RPS11: variants seen among roughly 807,000 people sequenced by gnomAD.
The protein encoded by RPS11 is small ribosomal subunit protein uS17.
For synonymous variants in RPS11, 107 were observed against 78.0 expected, an observed-to-expected ratio of 1.37 and a Z score of -1.96; for missense variants, 127 against 211.4, an observed-to-expected ratio of 0.60 and a Z score of 2.48.
Position 49,499,162 on chromosome 19 carries a change from G to A in RPS11, c.354-350G>A, listed in dbSNP as rs1032558749. 2.0e-5 allele frequency among the ~76,000 whole-genome samples: 3 copies of A among 152,168 alleles called. 1 individual carries two copies. Among genetic ancestry groups the A allele is most frequent in the African/African-American group, 4.8e-5 (2 of 41,430 alleles). On this transcript the variant is annotated intron_variant, in intron 4 of 4. Coordinates refer to ENST00000270625, the MANE Select transcript of RPS11 (RefSeq NM_001015.5). ...AGGGTGGCCCAAACTGATGCTGAGC[G>A]ATAAGGGACCTGTGGTTGTCAGTGC...
Position 49,497,628 on chromosome 19 carries a change from G to A in RPS11, c.223+33G>A, listed in dbSNP as rs755988013. 5 of 1,588,966 alleles carry A rather than the reference G, an allele frequency of 3.1e-6. No individual in the cohort carries two copies. In the South Asian group the frequency reaches 5.5e-5, roughly 18 times the overall value. On this transcript the variant is annotated intron_variant, in intron 3 of 4. Coordinates refer to ENST00000270625, the MANE Select transcript of RPS11 (RefSeq NM_001015.5). ...CGGGAGTTACTGGTGTCTGGGGCCTGAAATACTGAAAGAAGGGTCTTGGGG... is the reference window on the plus strand; with the variant it reads ...CGGGAGTTACTGGTGTCTGGGGCCTAAAATACTGAAAGAAGGGTCTTGGGG...
At chr19:49,499,395 G>C in intron 4 of RPS11, 117 bp from the exon 5 acceptor site, 1 of 1,136,350 alleles carries the variant, frequency 8.8e-7, no homozygotes, top group South Asian at 1.5e-5. Flanking sequence ...GTAGAGCTTG[G>C]TTGGGGTTTG....
At chr19:49,497,086 A>G (rs2079910129) in intron 1 of RPS11, 108 bp from the exon 2 acceptor site, 2 of 1,360,932 alleles carry the variant, frequency 1.5e-6, no homozygotes, top group African/African-American at 1.5e-5. Context: ...GCGCTTTGCA[A>G]GTAAATGTAG....
In RPS11 at chr19:49,498,038, C is replaced by G. The variant is rs760834291; in HGVS notation, c.345C>G (p.Pro115=). 7 of 1,612,374 alleles carry G rather than the reference C, an allele frequency of 4.3e-6. No individual in the cohort carries two copies. In the African/African-American group the frequency reaches 6.7e-5, roughly 15 times the overall value. The change falls in exon 4 of 5, where the codon CCC becomes CCG. Residue 115 remains proline (P), a synonymous_variant. Coordinates refer to ENST00000270625, the MANE Select transcript of RPS11 (RefSeq NM_001015.5). ...RHKNMSVHLS[P]CFRDVQIGDI... ...AGAACATGTCTGTACACCTGTCCCC[C>G]TGCTTCAGGTGAGCGCAGTGGCCCA...
chr19:49,498,170 G>A, intron 4 of RPS11, 124 bp downstream of exon 4: 1 of 1,039,466 alleles, frequency 9.6e-7, no homozygotes, highest in Non-Finnish European at 1.5e-6. Flanking sequence ...GGAAGCCCCA[G>A]AATCTCAGGA....
chr19:49,497,194 A>G lies in RPS11; in HGVS notation c.16A>G (p.Thr6Ala), dbSNP rs2079910688. 5 of 1,613,660 alleles carry G rather than the reference A, an allele frequency of 3.1e-6. No homozygotes were observed. Among genetic ancestry groups the G allele is most frequent in the Non-Finnish European group, 4.2e-6 (5 of 1,180,012 alleles). ...TCAGTTTTCTCCTCATAATCTGTAG[A>G]CTGAGCGTGCCTACCAAAAGCAGCC... MADIQTERAYQKQPTI... is the reference protein window; with the variant it reads MADIQAERAYQKQPTI... Residue 6 changes from threonine (T) to alanine (A), a missense_variant and splice_region_variant, in exon 2 of 5, where the codon ACT (threonine) becomes GCT (alanine). Transcript: ENST00000270625.
rs776196605 is a variant in RPS11 at position 49,496,450 on chromosome 19, C to G, written c.-7C>G. 4.3e-6 allele frequency: 7 copies of G among 1,611,850 alleles called. No individual in the cohort carries two copies. The highest frequency in any genetic ancestry group is 1.3e-5 in the African/African-American group (1 of 74,532). The stretch of plus-strand genomic sequence containing the variant: ...TGCCCCTTTCTTTTTTTCAGGCGGC[C>G]GGGAAGATGGCGGACATTCAGGTGC... On this transcript the variant is annotated 5_prime_UTR_variant, in exon 1 of 5. Coordinates refer to ENST00000270625, the MANE Select transcript of RPS11 (RefSeq NM_001015.5).
intron 2 of RPS11, 69 bp from the exon 3 acceptor site, chr19:49,497,451 C>A: frequency 1.8e-5 from 29 of 1,592,274 alleles, no homozygotes; most frequent in Non-Finnish European, 3.4e-6. Context: ...TTCCCTGAGG[C>A]CACGCCCCTG....
chr19:49,498,420 C>T (rs997009339), intron 4 of RPS11, among the ~76,000 whole-genome samples: 6 of 152,268 alleles, frequency 3.9e-5, no homozygotes, highest in East Asian at 1.9e-4. Context: ...GTACATTGAA[C>T]CATTGGAAAG....
At chr19:49,498,068 G>A in intron 4 of RPS11, 22 bp downstream of exon 4, 1 of 1,611,716 alleles carries the variant, frequency 6.2e-7, no homozygotes. Flanking sequence ...GGCCCATCAG[G>A]TTGCTCAGGC....
rs1241572957 is a variant in RPS11 at position 49,499,498 on chromosome 19, A to T, written c.354-14A>T. ...TGGCCCCTCCTGAGGACATGGCCCT[A>T]CCTGCCTCCACAGGGACGTCCAGAT... On this transcript the variant is annotated splice_polypyrimidine_tract_variant and intron_variant, in intron 4 of 4. Transcript: ENST00000270625. 1 of 1,611,378 alleles carries T rather than the reference A, an allele frequency of 6.2e-7. No homozygotes were observed. Among genetic ancestry groups the T allele is most frequent in the Admixed American group, 1.7e-5 (1 of 59,918 alleles).
In RPS11 at chr19:49,498,254, A is replaced by G. The variant is rs376929183; in HGVS notation, c.353+208A>G. ...ATCTCTACCTGAAATGCTTGGAACC[A>G]GATTTTGGAATGTTCTCGCATACAT... On this transcript the variant is annotated intron_variant, in intron 4 of 4. Coordinates refer to ENST00000270625, the MANE Select transcript of RPS11 (RefSeq NM_001015.5). 118 of 584,534 alleles carry G rather than the reference A, an allele frequency of 2.0e-4. 2 individuals carry two copies. Among genetic ancestry groups the G allele is most frequent in the East Asian group, 1.3e-3 (45 of 33,364 alleles). The allele number at this position is 584,534 out of a possible 1,614,324, so 36.2% of individuals were successfully genotyped here.
rs2079912957 is a variant in RPS11 at position 49,497,543 on chromosome 19, C to T, written c.171C>T (p.Asp57=). The T allele has an allele frequency of 1.2e-6, 2 of 1,613,796 alleles. No individual in the cohort carries two copies. The highest frequency in any genetic ancestry group is 3.3e-5 in the Admixed American group (2 of 59,990). The change falls in exon 3 of 5, where the codon GAC becomes GAT. Residue 57 remains aspartate (D), a synonymous_variant. Transcript: ENST00000270625. The part of the protein sequence containing the change: ...PKEAIEGTYI[D]KKCPFTGNVS... The stretch of plus-strand genomic sequence containing the variant: ...AGGCTATTGAGGGCACCTACATTGA[C>T]AAGAAATGCCCCTTCACTGGTAATG...
intron 4 of RPS11, 50 bp downstream of exon 4, chr19:49,498,096 C>A: frequency 6.2e-7 from 1 of 1,607,492 alleles, no homozygotes; most frequent in Non-Finnish European, 8.5e-7. Flanking sequence ...TCTCAGCCTT[C>A]AGATTCCAGA....
chr19:49,498,765 A>G (rs2079920271), intron 4 of RPS11, among the ~76,000 whole-genome samples: 1 of 152,084 alleles, frequency 6.6e-6, no homozygotes, highest in Non-Finnish European at 1.5e-5. Context: ...CACACACACA[A>G]ATTCAGATTT....
rs141187837 is a variant in RPS11, at chr19:49,498,735, G to A, written c.353+689G>A. ...ACTGCTCTCCGGCCTGGGCGACAGA[G>A]TAAGACCCTGTCTCTCCCACACACA... On this transcript the variant is annotated intron_variant, in intron 4 of 4. Transcript: ENST00000270625. 4.4e-3 allele frequency among the ~76,000 whole-genome samples: 667 copies of A among 152,298 alleles called. 1 individual carries two copies. The highest frequency in any genetic ancestry group is 7.7e-3 in the Non-Finnish European group (527 of 68,030).
At position 49,497,940 on chromosome 19, in the gene RPS11, C is replaced by G; in HGVS notation, c.247C>G (p.Gln83Glu). 4 of 1,614,164 alleles carry G rather than the reference C, an allele frequency of 2.5e-6. No homozygotes were observed. Among genetic ancestry groups the G allele is most frequent in the Non-Finnish European group, 2.5e-6 (3 of 1,180,030 alleles). ...AGGCGTGGTGACCAAGATGAAGATG[C>G]AGAGGACCATTGTCATCCGCCGAGA... Reference protein sequence around the residue: ...LSGVVTKMKMQRTIVIRRDYL... With the variant: ...LSGVVTKMKMERTIVIRRDYL... Residue 83 changes from glutamine (Q) to glutamate (E), a missense_variant, in exon 4 of 5, where the codon CAG becomes GAG. Physicochemically the swap from Gln to Glu is conservative, Grantham distance 29. Coordinates refer to ENST00000270625, the MANE Select transcript of RPS11 (RefSeq NM_001015.5).
At chr19:49,496,517 C>T (rs1018232378) in intron 1 of RPS11, 46 bp downstream of exon 1, 7 of 1,569,680 alleles carry the variant, frequency 4.5e-6, no homozygotes, top group Non-Finnish European at 5.2e-6. Flanking sequence ...CCGCCTTGGC[C>T]TTCAGGGGCG....
At chr19:49,497,081 T>C (rs2079910094) in intron 1 of RPS11, 113 bp from the exon 2 acceptor site, 6 of 1,313,906 alleles carry the variant, frequency 4.6e-6, no homozygotes, top group Middle Eastern at 2.7e-4. Context: ...CGCCGGCGCT[T>C]TGCAAGTAAA....
Sources: gnomAD v4.1 joint callset for allele counts (sites outside exome capture counted in the v4.1 genomes callset) on GRCh38, gnomAD v4.1.1 for gene constraint, MANE v1.5 for transcripts, NCBI Gene and HGNC (gene_info 2026-07-23, HGNC 2026-07-21) for gene names.